GLIS3: variants seen among roughly 807,000 people sequenced by gnomAD.
The protein encoded by GLIS3 is zinc finger protein GLIS3.
GLIS3 carries 53 observed loss-of-function variants against 78.6 expected under a neutral mutation model. That is an observed-to-expected ratio of 0.67 (90% confidence interval 0.54 to 0.85). GLIS3 has a LOEUF of 0.85. GLIS3 is among the 40% of genes least tolerant of loss of function. The pLI, the probability that GLIS3 is intolerant of heterozygous loss-of-function variation, is 0.00. For missense variants in GLIS3, 1,703 were observed against 1,231.1 expected, an observed-to-expected ratio of 1.38 and a Z score of -5.74; for synonymous variants, 684 against 509.9, an observed-to-expected ratio of 1.34 and a Z score of -4.60.
the GLIS3 span, among the ~76,000 whole-genome samples, chr9:4,395,702 C>T: frequency 1.3e-5 from 2 of 152,060 alleles, no homozygotes; most frequent in African/African-American, 4.8e-5. Context: ...TATTTTATGT[C>T]TGATGTCAAG....
chr9:4,408,800 G>A, the GLIS3 span, among the ~76,000 whole-genome samples: 57 of 150,578 alleles, frequency 3.8e-4, no homozygotes, highest in African/African-American at 1.3e-3. Context: ...GGGGATTATA[G>A]TCAATAATAA....
chr9:3,907,605 A>AACACACAC (rs1041005940), intron 6 of GLIS3, among the ~76,000 whole-genome samples: 1,190 of 92,284 alleles, frequency 0.013, 52 homozygotes, highest in African/African-American at 0.029. Flanking sequence ...CCACCCCCCA[A>AACACACAC]ACACACACAC....
chr9:4,380,681 G>C, the GLIS3 span, among the ~76,000 whole-genome samples: 7 of 152,158 alleles, frequency 4.6e-5, no homozygotes, highest in Non-Finnish European at 8.8e-5. Context: ...AGTTCTTTGA[G>C]AATACTTTGA....
At chr9:4,467,432 C>A in the GLIS3 span, among the ~76,000 whole-genome samples, 2 of 152,286 alleles carry the variant, frequency 1.3e-5, no homozygotes, top group South Asian at 2.1e-4. Flanking sequence ...GGAGATGAAG[C>A]TTCTAGAGGA....
chr9:4,391,552 T>A, the GLIS3 span, among the ~76,000 whole-genome samples: 3 of 121,114 alleles, frequency 2.5e-5, no homozygotes, highest in Non-Finnish European at 3.3e-5. Flanking sequence ...CTAAGAGGGG[T>A]GTGTGTGTGT....
intron 8 of GLIS3, among the ~76,000 whole-genome samples, chr9:3,866,121 C>T (rs1053291076): frequency 1.3e-5 from 2 of 152,190 alleles, no homozygotes; most frequent in Admixed American, 6.5e-5. Context: ...ATTCTTGCTT[C>T]CATCCACATT....
chr9:4,383,354 A>G, the GLIS3 span, among the ~76,000 whole-genome samples: 1 of 152,176 alleles, frequency 6.6e-6, no homozygotes, highest in South Asian at 2.1e-4. Context: ...TGAAAGTTTA[A>G]TTTTCCTTTT....
chr9:4,266,740 T>A (rs186212692), intron 2 of GLIS3, among the ~76,000 whole-genome samples: 1 of 152,184 alleles, frequency 6.6e-6, no homozygotes, highest in Non-Finnish European at 1.5e-5. Flanking sequence ...GTAAAAGCTA[T>A]CCTGATGCAA....
intron 2 of GLIS3, among the ~76,000 whole-genome samples, chr9:4,130,394 C>T (rs566401822): frequency 6.6e-6 from 1 of 152,352 alleles, no homozygotes; most frequent in East Asian, 1.9e-4. Flanking sequence ...CTGGCAGCAC[C>T]TCTCATCACA....
chr9:3,958,328 G>A (rs561542955), intron 4 of GLIS3, among the ~76,000 whole-genome samples: 4 of 152,222 alleles, frequency 2.6e-5, no homozygotes, highest in South Asian at 4.2e-4. Context: ...CCATGGGCCA[G>A]ACGCTTACAT....
At chr9:3,925,810 T>G (rs1322373297) in intron 6 of GLIS3, among the ~76,000 whole-genome samples, 3 of 152,222 alleles carry the variant, frequency 2.0e-5, no homozygotes. Flanking sequence ...TTTGAGATCT[T>G]TATTTAGAAG....
rs142834459 is a variant in GLIS3, at chr9:4,219,695, T to C, written c.388+66343A>G. Among the ~76,000 whole-genome samples the C allele has an allele frequency of 2.5e-3, 382 of 152,266 alleles. 3 individuals are homozygous for C. The South Asian group carries it at 0.033, about 13-fold the overall frequency. ...TGAGCATCTTTCAATGAAAAAAACA[T>C]GAATACCTTTTTTTAAAAAACCCAC... On this transcript the variant is annotated intron_variant, in intron 2 of 10. Coordinates refer to ENST00000381971, the MANE Select transcript of GLIS3 (RefSeq NM_001042413.2).
At chr9:3,844,637 C>G (rs1038606732) in intron 9 of GLIS3, among the ~76,000 whole-genome samples, 1 of 152,162 alleles carries the variant, frequency 6.6e-6, no homozygotes, top group Non-Finnish European at 1.5e-5. Context: ...ATATTTCTTT[C>G]TCATCAATAA....
the GLIS3 span, among the ~76,000 whole-genome samples, chr9:4,435,414 C>G: frequency 6.6e-6 from 1 of 152,178 alleles, no homozygotes; most frequent in Admixed American, 6.5e-5. Flanking sequence ...CAGATCCTCG[C>G]TTTTTCACTT....
At chr9:4,232,621 T>C (rs1436054089) in intron 2 of GLIS3, among the ~76,000 whole-genome samples, 1 of 152,128 alleles carries the variant, frequency 6.6e-6, no homozygotes, top group Non-Finnish European at 1.5e-5. Context: ...CTAAACATTA[T>C]ACCAGTACTA....
At chr9:4,096,007 T>C (rs1056762618) in intron 4 of GLIS3, among the ~76,000 whole-genome samples, 3 of 25,046 alleles carry the variant, frequency 1.2e-4, no homozygotes, top group African/African-American at 5.0e-4. Context: ...CAGTAACCTA[T>C]ACAAAAAAAA....
the GLIS3 span, among the ~76,000 whole-genome samples, chr9:4,456,234 A>T: frequency 6.6e-6 from 1 of 152,202 alleles, no homozygotes; most frequent in Non-Finnish European, 1.5e-5. Flanking sequence ...TGATCATGTG[A>T]GCCCTCAGAA....
chr9:4,440,910 A>C, the GLIS3 span, among the ~76,000 whole-genome samples: 1 of 151,718 alleles, frequency 6.6e-6, no homozygotes, highest in Non-Finnish European at 1.5e-5. Flanking sequence ...TATTTTTGGT[A>C]GTTATTATAA....
the GLIS3 span, among the ~76,000 whole-genome samples, chr9:4,411,408 G>A: frequency 8.5e-5 from 13 of 152,260 alleles, no homozygotes; most frequent in South Asian, 8.3e-4. Context: ...TTATGAGGTC[G>A]TGATACAGAT....
Sources: gnomAD v4.1 joint callset for allele counts (sites outside exome capture counted in the v4.1 genomes callset) on GRCh38, gnomAD v4.1.1 for gene constraint, MANE v1.5 for transcripts, NCBI Gene and HGNC (gene_info 2026-07-23, HGNC 2026-07-21) for gene names.